Variants in ITGB2 observed in about 807,000 individuals in gnomAD.
ITGB2 encodes integrin subunit beta 2, also known as integrin beta-2.
Under a neutral mutation model 86.8 loss-of-function variants are expected in ITGB2, and 56 were observed. That is an observed-to-expected ratio of 0.65 (90% CI 0.52 to 0.81). The LOEUF (loss-of-function observed/expected upper bound fraction) is 0.81. Ranked by LOEUF, ITGB2 falls within the 30% of genes least tolerant of loss-of-function variation. The pLI is 0.00. For synonymous variants in ITGB2, 457 were observed against 450.4 expected, an observed-to-expected ratio of 1.01 and a Z score of -0.19; for missense variants, 948 against 1,061.2, an observed-to-expected ratio of 0.89 and a Z score of 1.48.
intron 15 of ITGB2, 150 bp from the exon 16 acceptor site, chr21:44,886,580 A>G: frequency 7.1e-7 from 1 of 1,415,334 alleles, no homozygotes; most frequent in South Asian, 1.2e-5. Flanking sequence ...ACCGGCAGCC[A>G]AGCTCACCCA....
chr21:44,918,390 G>A (rs571052260), intron 1 of ITGB2, among the ~76,000 whole-genome samples: 2 of 152,370 alleles, frequency 1.3e-5, no homozygotes, highest in South Asian at 4.1e-4. Flanking sequence ...TACCTGGTGG[G>A]GCCCGGCCTG....
At chr21:44,898,377 C>T (rs1017905659) in intron 8 of ITGB2, among the ~76,000 whole-genome samples, 14 of 152,208 alleles carry the variant, frequency 9.2e-5, no homozygotes, top group African/African-American at 3.1e-4. Flanking sequence ...TTGTCTGTAT[C>T]CTCCCACCTC....
At chr21:44,900,160 C>T (rs545140571) in intron 7 of ITGB2, among the ~76,000 whole-genome samples, 160 bp downstream of exon 7, 21 of 152,330 alleles carry the variant, frequency 1.4e-4, no homozygotes, top group South Asian at 6.2e-4. Flanking sequence ...GAGGCCAGTC[C>T]GGGGAGACCC....
rs2083792266 is a variant in ITGB2, at chr21:44,891,971, G to A, written c.1250C>T (p.Ala417Val). The change falls in exon 11 of 16, where the codon GCC (alanine) becomes GTC (valine). Residue 417 changes from alanine to valine, a missense_variant. Physicochemically the swap from Ala to Val is moderately conservative, Grantham distance 64. Coordinates refer to ENST00000652462, the MANE Select transcript of ITGB2 (RefSeq NM_000211.5). ...CGACTGCTCCTGGATGCACTCTGTGGCCGTGACCTTCACCTGGAAGGTGAT... is the reference window on the plus strand; with the variant it reads ...CGACTGCTCCTGGATGCACTCTGTGACCGTGACCTTCACCTGGAAGGTGAT... ...VPITFQVKVT[A>V]TECIQEQSFV... The A allele has an allele frequency of 6.2e-7, 1 of 1,612,850 alleles. No homozygotes were observed. Among genetic ancestry groups the A allele is most frequent in the South Asian group, 1.1e-5 (1 of 91,080 alleles).
chr21:44,894,440 C>G (rs959789235), intron 9 of ITGB2: 3 of 200,230 alleles, frequency 1.5e-5, no homozygotes, highest in African/African-American at 6.9e-5. Flanking sequence ...CTATGCCTAC[C>G]TATGCCCACC....
intron 7 of ITGB2, among the ~76,000 whole-genome samples, chr21:44,899,551 C>T (rs1327124202): frequency 5.1e-5 from 5 of 98,286 alleles, no homozygotes; most frequent in African/African-American, 1.0e-4. Context: ...ACCCGAGGGC[C>T]GTCCCTCCCG....
At chr21:44,915,285 A>T (rs2084191762) in intron 1 of ITGB2, among the ~76,000 whole-genome samples, 1 of 152,044 alleles carries the variant, frequency 6.6e-6, no homozygotes, top group African/African-American at 2.4e-5. Context: ...CGGCCTCCCA[A>T]AGTGCTGGGA....
upstream of ITGB2, among the ~76,000 whole-genome samples, chr21:44,924,889 G>A (rs985725893): frequency 1.3e-5 from 2 of 152,128 alleles, no homozygotes; most frequent in African/African-American, 2.4e-5. Context: ...CATGCACCTC[G>A]TCCCTGCAGA....
chr21:44,921,558 A>G (rs1050850036), upstream of ITGB2, among the ~76,000 whole-genome samples: 2 of 152,028 alleles, frequency 1.3e-5, no homozygotes, highest in African/African-American at 4.8e-5. Context: ...CACGAAAGGG[A>G]AAATACTACA....
At chr21:44,893,630 C>A (rs1468359872) in intron 9 of ITGB2, 86 bp from the exon 10 acceptor site, 1 of 1,546,358 alleles carries the variant, frequency 6.5e-7, no homozygotes, top group Non-Finnish European at 8.9e-7. Flanking sequence ...CCCGTCTCCA[C>A]TTCTCCTCTC....
intron 7 of ITGB2, 147 bp downstream of exon 7, chr21:44,900,173 C>A: frequency 9.1e-7 from 1 of 1,097,336 alleles, no homozygotes. Flanking sequence ...GGAGACCCCA[C>A]GCTGCCACTT....
intron 4 of ITGB2, among the ~76,000 whole-genome samples, chr21:44,904,439 A>G (rs1172338642): frequency 6.6e-6 from 1 of 151,852 alleles, no homozygotes; most frequent in Middle Eastern, 3.2e-3. Context: ...CGTAGCACAC[A>G]CGCACCCACA....
intron 1 of ITGB2, among the ~76,000 whole-genome samples, chr21:44,917,050 ATTCAAGGATGT>A (rs1419480840): frequency 6.6e-6 from 1 of 152,238 alleles, no homozygotes. Flanking sequence ...TAAATACTCC[ATTCAAGGATGT>A]TTCAAGGGTG....
chr21:44,898,284 C>T (rs2083897690), intron 8 of ITGB2, among the ~76,000 whole-genome samples: 1 of 152,152 alleles, frequency 6.6e-6, no homozygotes, highest in African/African-American at 2.4e-5. Flanking sequence ...GAGGATGGAG[C>T]GCCGCCCACA....
intron 4 of ITGB2, among the ~76,000 whole-genome samples, chr21:44,905,627 T>G: frequency 6.6e-6 from 1 of 152,180 alleles, no homozygotes; most frequent in East Asian, 1.9e-4. Context: ...GCCCTCGAGT[T>G]TGAGGTCAGA....
At chr21:44,898,146 A>C (rs965732707) in intron 8 of ITGB2, among the ~76,000 whole-genome samples, 5 of 152,146 alleles carry the variant, frequency 3.3e-5, no homozygotes, top group Non-Finnish European at 5.9e-5. Context: ...TGACCTCTGG[A>C]GGGCTAGAGA....
At chr21:44,926,360 C>T (rs190220877) in intron 1 of ITGB2, among the ~76,000 whole-genome samples, 171 of 152,272 alleles carry the variant, frequency 1.1e-3, no homozygotes, top group African/African-American at 4.0e-3. Flanking sequence ...GTAATTGGTG[C>T]GTTTAGTGTA....
chr21:44,900,186 G>A (rs1249663804), intron 7 of ITGB2, 134 bp downstream of exon 7: 2 of 1,229,072 alleles, frequency 1.6e-6, no homozygotes, highest in Non-Finnish European at 2.3e-6. Context: ...TGCCACTTGG[G>A]GCTTCCAGAA....
At chr21:44,886,971 C>G in intron 14 of ITGB2, 69 bp from the exon 15 acceptor site, 1 of 1,582,030 alleles carries the variant, frequency 6.3e-7, no homozygotes, top group Non-Finnish European at 8.6e-7. Flanking sequence ...CCCACAGGTC[C>G]GAGGTCACCC....
Sources: allele counts gnomAD v4.1 joint callset (sites outside exome capture counted in the v4.1 genomes callset), GRCh38; gene constraint gnomAD v4.1.1; transcripts MANE v1.5; gene names NCBI Gene and HGNC (gene_info 2026-07-23, HGNC 2026-07-21).